Variants in NEGR1 observed in about 807,000 individuals in gnomAD.
The protein encoded by NEGR1 is neuronal growth regulator 1.
NEGR1 carries 10 observed loss-of-function variants against 40.9 expected under a neutral mutation model. The observed-to-expected ratio is 0.24, with a 90% CI of 0.15 to 0.42. The LOEUF (loss-of-function observed/expected upper bound fraction) is 0.42, where lower values mean the gene tolerates loss of function less well. NEGR1 is among the 10% of genes least tolerant of loss of function. The pLI, the probability that NEGR1 is intolerant of heterozygous loss-of-function variation, is 1.00. For missense variants in NEGR1, 352 were observed against 438.9 expected, an observed-to-expected ratio of 0.80 and a Z score of 1.77; for synonymous variants, 185 against 166.8, an observed-to-expected ratio of 1.11 and a Z score of -0.84.
chr1:71,954,522 C>T (rs1257822032), intron 1 of NEGR1, among the ~76,000 whole-genome samples: 1 of 151,214 alleles, frequency 6.6e-6, no homozygotes, highest in African/African-American at 2.4e-5. Context: ...TATTATTATC[C>T]CATTCATATA....
intron 4 of NEGR1, among the ~76,000 whole-genome samples, chr1:71,627,650 G>A (rs1284173057): frequency 6.6e-6 from 1 of 151,972 alleles, no homozygotes; most frequent in East Asian, 1.9e-4. Flanking sequence ...CATCAATGGG[G>A]CTAAGAAAGA....
At chr1:71,599,941 C>T (rs376589879) in intron 5 of NEGR1, among the ~76,000 whole-genome samples, 5 of 152,224 alleles carry the variant, frequency 3.3e-5, no homozygotes, top group African/African-American at 9.6e-5. Context: ...CTGGATTTCT[C>T]CCCACCACTT....
intron 6 of NEGR1, among the ~76,000 whole-genome samples, chr1:71,480,343 A>T (rs1557540831): frequency 6.6e-6 from 1 of 151,882 alleles, no homozygotes. Context: ...GTAACTAATA[A>T]GGAAAATTGC....
intron 1 of NEGR1, among the ~76,000 whole-genome samples, chr1:72,121,554 A>C (rs912701840): frequency 6.6e-6 from 1 of 152,042 alleles, no homozygotes; most frequent in Non-Finnish European, 1.5e-5. Flanking sequence ...TACAGAAAGA[A>C]AAACATGTCA....
At chr1:71,706,193 G>C (rs1003980694) in intron 3 of NEGR1, among the ~76,000 whole-genome samples, 6 of 152,124 alleles carry the variant, frequency 3.9e-5, no homozygotes, top group African/African-American at 1.4e-4. Context: ...GACCACAACA[G>C]CTGTGAGGCA....
At chr1:71,806,644 G>T (rs547111948) in intron 2 of NEGR1, among the ~76,000 whole-genome samples, 1 of 152,000 alleles carries the variant, frequency 6.6e-6, no homozygotes, top group Non-Finnish European at 1.5e-5. Context: ...CAAAACTGTG[G>T]TAAGCTATTT....
chr1:72,036,775 A>G (rs1217192280), intron 1 of NEGR1, among the ~76,000 whole-genome samples: 2 of 152,106 alleles, frequency 1.3e-5, no homozygotes, highest in Non-Finnish European at 2.9e-5. Flanking sequence ...TTACATATAT[A>G]TATGAATTAC....
intron 1 of NEGR1, among the ~76,000 whole-genome samples, chr1:72,087,245 C>T (rs977243495): frequency 9.2e-5 from 14 of 151,920 alleles, no homozygotes; most frequent in African/African-American, 3.1e-4. Flanking sequence ...GGTCAAACCC[C>T]GTCTCTACTA....
intron 4 of NEGR1, among the ~76,000 whole-genome samples, chr1:71,675,395 A>G (rs960382646): frequency 6.6e-6 from 1 of 151,326 alleles, no homozygotes; most frequent in Non-Finnish European, 1.5e-5. Context: ...CAGCAAGAAG[A>G]GAGAGAAAGG....
intron 1 of NEGR1, among the ~76,000 whole-genome samples, chr1:72,247,395 G>A (rs1205211372): frequency 1.3e-5 from 2 of 152,162 alleles, no homozygotes. Flanking sequence ...CTGCATTTGA[G>A]CATAGGTTGT....
rs768634157 is a variant in NEGR1 at position 71,398,106 on chromosome 1, C to T, written c.*9340G>A. The T allele has an allele frequency of 6.6e-5, 10 of 152,286 alleles. No homozygotes were observed. Among genetic ancestry groups the T allele is most frequent in the Non-Finnish European group, 1.0e-4 (7 of 68,098 alleles). 9.4% of individuals were successfully genotyped at this position (152,286 alleles called of 1,614,324 possible). Reference sequence around the variant, plus strand: ...AATTTCAGAGGATGTATAGAAATGCCTGGATGCCCAGAATGAAGTTCTCCT... The same window carrying T: ...AATTTCAGAGGATGTATAGAAATGCTTGGATGCCCAGAATGAAGTTCTCCT... On this transcript the variant is annotated 3_prime_UTR_variant, in exon 7 of 7. Coordinates refer to ENST00000357731, the MANE Select transcript of NEGR1 (RefSeq NM_173808.3).
intron 3 of NEGR1, among the ~76,000 whole-genome samples, chr1:71,759,899 G>A (rs562354320): frequency 4.9e-4 from 75 of 151,938 alleles, no homozygotes; most frequent in South Asian, 4.2e-4. Flanking sequence ...ATGAACCACC[G>A]TGGCTGGCCC....
intron 1 of NEGR1, among the ~76,000 whole-genome samples, chr1:72,073,944 T>G (rs141592514): frequency 1.3e-5 from 2 of 152,032 alleles, no homozygotes; most frequent in African/African-American, 4.8e-5. Context: ...TGCAGGAATA[T>G]AGAAATACAA....
chr1:71,941,297 T>C (rs1454689654), intron 1 of NEGR1, among the ~76,000 whole-genome samples: 1 of 152,074 alleles, frequency 6.6e-6, no homozygotes, highest in East Asian at 1.9e-4. Flanking sequence ...AGAGATTATA[T>C]GGAAGAGAAC....
At position 71,517,578 on chromosome 1, in the gene NEGR1, A is replaced by C. The variant is rs1245675256; in HGVS notation, c.940+75239T>G. Among the ~76,000 whole-genome samples, 10 of 146,158 alleles carry C rather than the reference A, an allele frequency of 6.8e-5. No homozygotes were observed. In the East Asian group the frequency reaches 1.8e-3, roughly 27 times the overall value. ...ATTAGGTGTTGATGGGATGTATTTC[A>C]AAATAATAAGAGCTATCTATGACAA... On this transcript the variant is annotated intron_variant, in intron 6 of 6. Coordinates refer to ENST00000357731, the MANE Select transcript of NEGR1 (RefSeq NM_173808.3).
In NEGR1 at chr1:71,401,594, G is replaced by A. The variant is rs868694260; in HGVS notation, c.*5852C>T. On this transcript the variant is annotated 3_prime_UTR_variant, in exon 7 of 7. Coordinates refer to ENST00000357731, the MANE Select transcript of NEGR1 (RefSeq NM_173808.3). ...TTCTACTGTCCCAGCACAAACAGAT[G>A]TTCATGTTAGTATTTCAATATAAAT... 6.6e-6 allele frequency: 1 copy of A among 152,126 alleles called. No individual in the cohort carries two copies. The highest frequency in any genetic ancestry group is 1.5e-5 in the Non-Finnish European group (1 of 68,014). 9.4% of individuals were successfully genotyped at this position (152,126 alleles called of 1,614,324 possible). A position where few individuals can be genotyped will look rare whatever the true frequency, so the allele number is the denominator to read the frequency against.
intron 3 of NEGR1, among the ~76,000 whole-genome samples, chr1:71,739,612 T>TA (rs1057460064): frequency 6.6e-6 from 1 of 152,106 alleles, no homozygotes; most frequent in Admixed American, 6.6e-5. Flanking sequence ...ATTGCACATT[T>TA]AAAAAAAATT....
intron 6 of NEGR1, among the ~76,000 whole-genome samples, chr1:71,524,133 T>C (rs2101434496): frequency 6.6e-6 from 1 of 151,968 alleles, no homozygotes; most frequent in East Asian, 1.9e-4. Flanking sequence ...AAAGAAACTA[T>C]TTCCTACATG....
At chr1:72,252,172 G>A (rs1453138772) in intron 1 of NEGR1, among the ~76,000 whole-genome samples, 2 of 127,456 alleles carry the variant, frequency 1.6e-5, no homozygotes, top group Non-Finnish European at 3.0e-5. Flanking sequence ...ATGGGGCGAT[G>A]TAGCTGGGAT....
Sources: allele counts gnomAD v4.1 joint callset (sites outside exome capture counted in the v4.1 genomes callset), GRCh38; gene constraint gnomAD v4.1.1; transcripts MANE v1.5; gene names NCBI Gene and HGNC (gene_info 2026-07-23, HGNC 2026-07-21).